The following VPS8 variants were observed in gnomAD, a reference collection of about 807,000 sequenced individuals.
VPS8 encodes vacuolar protein sorting-associated protein 8 homolog.
In VPS8, 129 loss-of-function variants were observed where a neutral mutation model predicts 216.4. The observed-to-expected ratio is 0.60, with a 90% CI of 0.52 to 0.69. VPS8 has a LOEUF of 0.69. Ranked by LOEUF, VPS8 falls within the 30% of genes least tolerant of loss-of-function variation. The probability of loss-of-function intolerance (pLI) is 0.00; values close to 1 mark genes in which losing one functional copy is unlikely to be tolerated. For missense variants in VPS8, 1,531 were observed against 1,683.5 expected, an observed-to-expected ratio of 0.91 and a Z score of 1.59; for synonymous variants, 571 against 565.4, an observed-to-expected ratio of 1.01 and a Z score of -0.14.
intron 34 of VPS8, among the ~76,000 whole-genome samples, chr3:184,935,245 A>C (rs1741396299): frequency 6.6e-6 from 1 of 152,130 alleles, no homozygotes; most frequent in Non-Finnish European, 1.5e-5. Context: ...TTTTGTCTGA[A>C]TTTCCAAATT....
chr3:184,842,798 T>A (rs1214605957), intron 7 of VPS8, among the ~76,000 whole-genome samples: 1 of 152,206 alleles, frequency 6.6e-6, no homozygotes, highest in African/African-American at 2.4e-5. Flanking sequence ...CTGATGTTTA[T>A]TGCCTCTTCT....
chr3:184,901,168 T>C, intron 25 of VPS8, 196 bp downstream of exon 25: 1 of 566,260 alleles, frequency 1.8e-6, no homozygotes. Flanking sequence ...CCTTTGTACT[T>C]GATCCTTTCC....
intron 40 of VPS8, among the ~76,000 whole-genome samples, chr3:184,982,202 A>G (rs897359600): frequency 2.0e-5 from 3 of 152,100 alleles, no homozygotes; most frequent in African/African-American, 7.2e-5. Flanking sequence ...TCAGTGATAA[A>G]TTTTTAATAG....
At chr3:184,983,140 TTTAG>T in intron 42 of VPS8, 46 bp downstream of exon 42, 2 of 1,448,176 alleles carry the variant, frequency 1.4e-6, no homozygotes, top group Non-Finnish European at 1.9e-6. Flanking sequence ...CAACTAACAT[TTTAG>T]TTATATATAA....
Position 184,942,024 on chromosome 3 carries a change from G to A in VPS8, c.3035+1781G>A, listed in dbSNP as rs1438326094. Among the ~76,000 whole-genome samples the A allele has an allele frequency of 3.3e-5, 5 of 152,058 alleles. No individual in the cohort carries two copies. In the South Asian group the frequency reaches 1.0e-3, roughly 32 times the overall value. ...TCCTCTTACTTTATGTCTTATATAG[G>A]AGGTAGGCATTGATGTAGATTATGC... is the stretch of plus-strand genomic sequence containing the variant. On this transcript the variant is annotated intron_variant, in intron 36 of 47. Coordinates refer to ENST00000625842, the MANE Select transcript of VPS8 (RefSeq NM_001009921.3).
intron 21 of VPS8, among the ~76,000 whole-genome samples, chr3:184,873,627 A>C (rs1235170486): frequency 2.6e-5 from 4 of 152,190 alleles, no homozygotes; most frequent in African/African-American, 9.6e-5. Flanking sequence ...GTTTACATCC[A>C]GACTGCCACA....
chr3:184,866,838 ATTT>A lies in VPS8; in HGVS notation c.1396-33_1396-31del, dbSNP rs770528795. On this transcript the variant is annotated intron_variant, in intron 16 of 47. Transcript: ENST00000625842. ...TAAAAAATATATTAAATACAAAGGA[ATTT>A]TTTTACCTTTTTTGTATGTATGTTT... 8.2e-6 allele frequency: 13 copies of A among 1,580,608 alleles called. No individual in the cohort carries two copies. In the South Asian group the frequency reaches 1.5e-4, roughly 18 times the overall value.
At chr3:184,860,494 C>CAT (rs1332270184) in intron 15 of VPS8, among the ~76,000 whole-genome samples, 1 of 149,974 alleles carries the variant, frequency 6.7e-6, no homozygotes. Context: ...CACACACACA[C>CAT]ACACACAGAA....
rs1750389038 is a variant in VPS8, at chr3:184,982,564, A to C, written c.3421-2A>C. 6.2e-7 allele frequency: 1 copy of C among 1,607,976 alleles called. No individual in the cohort carries two copies. Among genetic ancestry groups the C allele is most frequent in the African/African-American group, 1.3e-5 (1 of 74,616 alleles). On this transcript the variant is annotated splice_acceptor_variant, in intron 40 of 47. Transcript: ENST00000625842. LOFTEE classifies it high-confidence loss of function. The stretch of plus-strand genomic sequence containing the variant: ...TTTCTTTGATTTTCTCTGACATTAT[A>C]GGCACTTTGGTTTCCGTTATTGGAG...
chr3:185,046,051 CTT>C (rs1172431658), intron 46 of VPS8, among the ~76,000 whole-genome samples: 1 of 152,208 alleles, frequency 6.6e-6, no homozygotes, highest in African/African-American at 2.4e-5. Context: ...ATTTTTAGCT[CTT>C]AACACTGGAC....
intron 45 of VPS8, among the ~76,000 whole-genome samples, chr3:185,001,192 A>G (rs948302508): frequency 1.3e-5 from 2 of 152,124 alleles, no homozygotes; most frequent in Non-Finnish European, 1.5e-5. Context: ...TCTGACTCCA[A>G]TTCAGTTCAG....
intron 21 of VPS8, among the ~76,000 whole-genome samples, chr3:184,880,665 C>G (rs748937410): frequency 6.6e-5 from 10 of 152,180 alleles, no homozygotes; most frequent in African/African-American, 1.9e-4. Context: ...GTCTTCTTTT[C>G]TCTAGGAGAA....
intron 40 of VPS8, among the ~76,000 whole-genome samples, chr3:184,972,489 C>G (rs867636636): frequency 6.6e-6 from 1 of 152,330 alleles, no homozygotes; most frequent in African/African-American, 2.4e-5. Flanking sequence ...TGTACTAATT[C>G]TCAACCTTGG....
At chr3:184,931,643 A>G (rs1740702044) in intron 34 of VPS8, among the ~76,000 whole-genome samples, 1 of 152,178 alleles carries the variant, frequency 6.6e-6, no homozygotes, top group South Asian at 2.1e-4. Context: ...ATGTGGTCTG[A>G]AGTAATTTCC....
At chr3:184,937,902 C>T (rs115005811) in intron 35 of VPS8, among the ~76,000 whole-genome samples, 324 of 152,260 alleles carry the variant, frequency 2.1e-3, no homozygotes, top group African/African-American at 7.4e-3. Context: ...GAGACAAATA[C>T]GAAACGGTTT....
Position 184,862,946 on chromosome 3 carries a change from A to G in VPS8, c.1274A>G (p.His425Arg), listed in dbSNP as rs1486447376. The G allele has an allele frequency of 4.3e-6, 7 of 1,613,836 alleles. No individual in the cohort carries two copies. The highest frequency in any genetic ancestry group is 1.7e-5 in the Admixed American group (1 of 60,006). ...VVLLDSVEKL[H>R]VIDRQTQEEL... is the part of the protein sequence containing the mutation. ...CTCTTAGACAGCGTAGAGAAGTTGC[A>G]TGTGATTGATCGGCAAACACAAGAG... The change falls in exon 16 of 48, where the codon CAT becomes CGT. Residue 425 changes from histidine to arginine, a missense_variant. Transcript: ENST00000625842.
At chr3:185,013,665 C>T (rs1755367197) in intron 45 of VPS8, among the ~76,000 whole-genome samples, 1 of 152,182 alleles carries the variant, frequency 6.6e-6, no homozygotes, top group Admixed American at 6.5e-5. Flanking sequence ...TTCCACAAAT[C>T]CTTATGTTTA....
intron 21 of VPS8, among the ~76,000 whole-genome samples, chr3:184,884,234 G>A (rs960821225): frequency 6.6e-5 from 10 of 150,624 alleles, no homozygotes; most frequent in African/African-American, 2.0e-4. Context: ...CCCCCGACCC[G>A]CCGACAGACC....
At chr3:184,995,129 A>G (rs1368796649) in intron 43 of VPS8, among the ~76,000 whole-genome samples, 1 of 152,238 alleles carries the variant, frequency 6.6e-6, no homozygotes, top group Non-Finnish European at 1.5e-5. Flanking sequence ...ATAAATGGTC[A>G]TTAGTCTTCC....
Sources: allele counts gnomAD v4.1 joint callset (sites outside exome capture counted in the v4.1 genomes callset), GRCh38; gene constraint gnomAD v4.1.1; transcripts MANE v1.5; gene names NCBI Gene and HGNC (gene_info 2026-07-23, HGNC 2026-07-21).